CCDC3: variants seen among roughly 807,000 people sequenced by gnomAD.
CCDC3 encodes the protein coiled-coil domain containing 3.
A neutral mutation model predicts 21.4 loss-of-function variants in CCDC3; 24 were observed. The ratio of observed to expected loss-of-function variants is 1.12; its 90% confidence interval spans 0.81 to 1.58. The LOEUF is 1.58. CCDC3 is among the 40% of genes most tolerant of loss of function. CCDC3 has a pLI of 0.00. For missense variants in CCDC3, 425 were observed against 360.9 expected, an observed-to-expected ratio of 1.18 and a Z score of -1.44; for synonymous variants, 186 against 166.0, an observed-to-expected ratio of 1.12 and a Z score of -0.93.
chr10:12,904,217 A>G (rs1212759998), intron 2 of CCDC3, among the ~76,000 whole-genome samples: 1 of 152,094 alleles, frequency 6.6e-6, no homozygotes, highest in Non-Finnish European at 1.5e-5. Context: ...CTGTAATCCC[A>G]GCACTTTGCG....
intron 5 of CCDC3, among the ~76,000 whole-genome samples, chr10:13,036,885 T>C (rs150203575): frequency 0.028 from 4,221 of 151,566 alleles, 94 homozygotes; most frequent in Middle Eastern, 0.059. Context: ...GCTCAAGCAA[T>C]CCTCTCATCT....
rs1399031823 is a variant in CCDC3 at position 13,041,515 on chromosome 10, T to A, written c.-2+8159A>T. Among the ~76,000 whole-genome samples, 27 of 65,518 alleles carry A rather than the reference T, an allele frequency of 4.1e-4. No individual in the cohort carries two copies. In the South Asian group the frequency reaches 4.6e-3, roughly 11 times the overall value. The allele number at this position is 65,518 out of a possible 152,430, so 43.0% of individuals were successfully genotyped here. ...GTGTCTGGCAGATAATTTTTTTTTT[T>A]TTTTTTTTTTTTTTTTTTTTTTTTT... is the stretch of plus-strand genomic sequence containing the variant. On this transcript the variant is annotated intron_variant, in intron 5 of 6. Coordinates refer to the CCDC3 transcript ENST00000378839.
intron 2 of CCDC3, among the ~76,000 whole-genome samples, chr10:12,953,975 C>T (rs1371462723): frequency 6.6e-6 from 1 of 152,170 alleles, no homozygotes; most frequent in Non-Finnish European, 1.5e-5. Flanking sequence ...AATTAGTAAA[C>T]AACTGAGCAT....
chr10:13,075,524 C>T (rs1278170074), intron 3 of CCDC3, among the ~76,000 whole-genome samples: 3 of 151,508 alleles, frequency 2.0e-5, no homozygotes, highest in Non-Finnish European at 4.4e-5. Context: ...CTCTTCCCAC[C>T]GCTAAAGTAT....
chr10:12,921,788 C>T (rs1006755628), intron 2 of CCDC3, among the ~76,000 whole-genome samples: 40 of 152,300 alleles, frequency 2.6e-4, no homozygotes, highest in African/African-American at 9.6e-4. Flanking sequence ...TGTCACCCAG[C>T]TGGAGTGCAA....
chr10:12,916,426 C>CA (rs71386129), intron 2 of CCDC3, among the ~76,000 whole-genome samples: 35,210 of 104,994 alleles, frequency 0.34, 5,882 homozygotes, highest in East Asian at 0.55. Context: ...GACTCCATCT[C>CA]AAAAAAAAAA....
chr10:12,975,887 G>C (rs535109540), intron 2 of CCDC3, among the ~76,000 whole-genome samples: 1 of 152,204 alleles, frequency 6.6e-6, no homozygotes, highest in Non-Finnish European at 1.5e-5. Context: ...AAATGAGCCA[G>C]GCTGCAAATT....
intron 5 of CCDC3, among the ~76,000 whole-genome samples, chr10:13,007,635 T>A (rs989874554): frequency 1.3e-5 from 2 of 152,146 alleles, no homozygotes; most frequent in Non-Finnish European, 2.9e-5. Context: ...AATTGCCTTA[T>A]AAAAGACACT....
At chr10:13,073,971 T>C (rs1377650994) in exon 4 of CCDC3, 1 of 151,612 alleles carries the variant, frequency 6.6e-6, no homozygotes, top group Non-Finnish European at 1.5e-5. Context: ...GCAGTGTAGA[T>C]CATTCCAAGT....
At chr10:13,058,461 T>C (rs886852766) in intron 4 of CCDC3, 35 of 757,196 alleles carry the variant, frequency 4.6e-5, no homozygotes, top group Non-Finnish European at 7.2e-5. Flanking sequence ...CAGACTATCA[T>C]ATCCCCCTCA....
At chr10:13,049,016 C>G (rs773709760) in intron 5 of CCDC3, among the ~76,000 whole-genome samples, 1 of 152,038 alleles carries the variant, frequency 6.6e-6, no homozygotes, top group Non-Finnish European at 1.5e-5. Flanking sequence ...GAGAGGGAGG[C>G]CTCCTAAGTT....
chr10:13,037,232 C>T (rs1016001415), intron 5 of CCDC3, among the ~76,000 whole-genome samples: 1 of 152,144 alleles, frequency 6.6e-6, no homozygotes, highest in African/African-American at 2.4e-5. Flanking sequence ...CGTTTTATCA[C>T]ACATTTCATC....
intron 5 of CCDC3, among the ~76,000 whole-genome samples, chr10:13,033,768 A>C (rs1836337289): frequency 1.3e-5 from 2 of 152,256 alleles, no homozygotes; most frequent in Non-Finnish European, 2.9e-5. Flanking sequence ...CCATCAGAGA[A>C]ATGCAAATCA....
chr10:12,912,804 G>T (rs575900338), intron 2 of CCDC3, among the ~76,000 whole-genome samples: 2 of 152,018 alleles, frequency 1.3e-5, no homozygotes, highest in Non-Finnish European at 2.9e-5. Context: ...TGAGATGAGG[G>T]CCTAATTTCA....
chr10:12,977,187 A>C (rs1835429810), intron 2 of CCDC3, among the ~76,000 whole-genome samples: 3 of 152,194 alleles, frequency 2.0e-5, no homozygotes, highest in Admixed American at 2.0e-4. Context: ...AGGCAGGAGA[A>C]TCGCTTGAAC....
At chr10:13,051,314 G>C (rs1344937857) in intron 4 of CCDC3, among the ~76,000 whole-genome samples, 1 of 152,176 alleles carries the variant, frequency 6.6e-6, no homozygotes, top group Admixed American at 6.5e-5. Context: ...CACGACCCTA[G>C]GCCCTGCAGG....
intron 2 of CCDC3, among the ~76,000 whole-genome samples, chr10:12,949,821 C>G (rs1029106429): frequency 6.6e-6 from 1 of 152,144 alleles, no homozygotes; most frequent in Non-Finnish European, 1.5e-5. Flanking sequence ...TCTAAGGAAG[C>G]AAATGGTAAT....
At position 12,974,275 on chromosome 10, in the gene CCDC3, G is replaced by A. The variant is rs937740022; in HGVS notation, c.549+24063C>T. Among the ~76,000 whole-genome samples the A allele has an allele frequency of 3.9e-5, 6 of 152,344 alleles. No homozygotes were observed. In the South Asian group the frequency reaches 1.2e-3, roughly 32 times the overall value. ...ACTTCCTGCCTGGAGTTTCCATCTA[G>A]GAGGGGGCCGCTTTCTGAACCTGGC... On this transcript the variant is annotated intron_variant, in intron 2 of 2. Transcript: ENST00000378825.
At chr10:12,911,273 A>T (rs10795995) in intron 2 of CCDC3, among the ~76,000 whole-genome samples, 1 of 152,012 alleles carries the variant, frequency 6.6e-6, no homozygotes, top group African/African-American at 2.4e-5. Flanking sequence ...TCTTTCTTCC[A>T]CTAGACTAAA....
Sources: allele counts gnomAD v4.1 joint callset (sites outside exome capture counted in the v4.1 genomes callset), GRCh38; gene constraint gnomAD v4.1.1; transcripts MANE v1.5; gene names NCBI Gene and HGNC (gene_info 2026-07-23, HGNC 2026-07-21).